FBXW7: variants seen among roughly 807,000 people sequenced by gnomAD.
FBXW7 encodes the protein F-box and WD repeat domain containing 7, also known as F-box/WD repeat-containing protein 7.
In FBXW7, 11 loss-of-function variants were observed where a neutral mutation model predicts 86.3. The ratio of observed to expected loss-of-function variants is 0.13; its 90% CI spans 0.08 to 0.21. FBXW7 has a LOEUF of 0.21. Ranked by LOEUF, FBXW7 falls within the 10% of genes least tolerant of loss-of-function variation. The probability of loss-of-function intolerance (pLI) is 1.00; values close to 1 mark genes in which losing one functional copy is unlikely to be tolerated. For synonymous variants in FBXW7, 313 were observed against 297.9 expected, an observed-to-expected ratio of 1.05 and a Z score of -0.52; for missense variants, 488 against 847.4, an observed-to-expected ratio of 0.58 and a Z score of 5.27.
chr4:152,380,138 T>G (rs1244476072), intron 4 of FBXW7, among the ~76,000 whole-genome samples: 2 of 152,264 alleles, frequency 1.3e-5, no homozygotes, highest in East Asian at 3.9e-4. Flanking sequence ...ATGTTTGCTT[T>G]GTGTGCTTTG....
At chr4:152,470,245 T>C (rs975304156) in intron 2 of FBXW7, among the ~76,000 whole-genome samples, 3 of 152,128 alleles carry the variant, frequency 2.0e-5, no homozygotes, top group African/African-American at 7.2e-5. Flanking sequence ...CTGAATTTAC[T>C]AGACCATGTA....
chr4:152,447,640 C>T (rs1741530055), intron 2 of FBXW7, among the ~76,000 whole-genome samples: 1 of 152,128 alleles, frequency 6.6e-6, no homozygotes, highest in Non-Finnish European at 1.5e-5. Context: ...TATCCTTAAA[C>T]ACTACTTTAA....
intron 4 of FBXW7, among the ~76,000 whole-genome samples, chr4:152,410,745 C>G (rs1159599348): frequency 6.6e-6 from 1 of 152,066 alleles, no homozygotes; most frequent in Non-Finnish European, 1.5e-5. Flanking sequence ...ATGTTAATGT[C>G]TATAAAACAA....
intron 2 of FBXW7, among the ~76,000 whole-genome samples, chr4:152,467,617 T>C (rs78995472): frequency 0.014 from 2,086 of 152,324 alleles, 26 homozygotes; most frequent in Middle Eastern, 0.037. Flanking sequence ...TTAAAACAAT[T>C]AGCTGAGGAA....
In FBXW7 at chr4:152,473,118, C is replaced by T. The variant is rs543381082; in HGVS notation, c.-119-60589G>A. ...ACTTAGCTGGGTGTGGTGATGTACACCTGTAGTCCCAGCTACTCAGGAGGC... is the reference window on the plus strand; with the variant it reads ...ACTTAGCTGGGTGTGGTGATGTACATCTGTAGTCCCAGCTACTCAGGAGGC... On this transcript the variant is annotated intron_variant, in intron 2 of 13. Coordinates refer to ENST00000281708, the MANE Select transcript of FBXW7 (RefSeq NM_001349798.2). Among the ~76,000 whole-genome samples, 206 of 152,234 alleles carry T rather than the reference C, an allele frequency of 1.4e-3. 1 individual carries two copies. Among genetic ancestry groups the T allele is most frequent in the Non-Finnish European group, 2.3e-3 (156 of 68,008 alleles).
chr4:152,510,736 A>G (rs900848104), intron 2 of FBXW7, among the ~76,000 whole-genome samples: 2 of 152,246 alleles, frequency 1.3e-5, no homozygotes, highest in African/African-American at 4.8e-5. Flanking sequence ...TCATGAGTTC[A>G]GTACTCACTG....
Position 152,432,091 on chromosome 4 carries a change from G to C in FBXW7, c.-119-19562C>G, listed in dbSNP as rs537391466. Among the ~76,000 whole-genome samples, 4 of 152,282 alleles carry C rather than the reference G, an allele frequency of 2.6e-5. 1 individual carries two copies. In the East Asian group the frequency reaches 7.7e-4, roughly 29 times the overall value. On this transcript the variant is annotated intron_variant, in intron 2 of 13. Transcript: ENST00000281708. The stretch of plus-strand genomic sequence containing the variant: ...GTGGTCTCAAATGTGCTTCCTTCTA[G>C]TATAGCTACTTATTTGGTCCTATCA...
intron 13 of FBXW7, 172 bp downstream of exon 13, chr4:152,324,012 C>T (rs1459224040): frequency 1.7e-6 from 1 of 589,706 alleles, no homozygotes; most frequent in African/African-American, 1.9e-5. Flanking sequence ...CAGTTTAAAA[C>T]ATTTCCTCAA....
At chr4:152,488,951 A>C (rs1386319446) in intron 2 of FBXW7, among the ~76,000 whole-genome samples, 1 of 152,098 alleles carries the variant, frequency 6.6e-6, no homozygotes, top group Non-Finnish European at 1.5e-5. Context: ...TATCTGTAAA[A>C]ATTACTGTAA....
intron 2 of FBXW7, among the ~76,000 whole-genome samples, chr4:152,481,654 C>T (rs1744886546): frequency 6.6e-6 from 1 of 152,170 alleles, no homozygotes; most frequent in African/African-American, 2.4e-5. Context: ...AAAACACCAG[C>T]ATTAACAGAA....
chr4:152,398,710 A>G (rs1736643764), intron 4 of FBXW7, among the ~76,000 whole-genome samples: 1 of 152,026 alleles, frequency 6.6e-6, no homozygotes, highest in Non-Finnish European at 1.5e-5. Flanking sequence ...ATCCAACTTG[A>G]TTCTTTTTAT....
chr4:152,423,337 A>G (rs1487431077), intron 2 of FBXW7, among the ~76,000 whole-genome samples: 3 of 152,200 alleles, frequency 2.0e-5, no homozygotes, highest in Admixed American at 6.5e-5. Context: ...GTAATGCTGT[A>G]TTACATGGCT....
At position 152,321,980 on chromosome 4, in the gene FBXW7, T is replaced by C; in HGVS notation, c.*901A>G. 4.3e-6 allele frequency: 1 copy of C among 232,952 alleles called. No individual in the cohort carries two copies. The highest frequency in any genetic ancestry group is 8.5e-6 in the Non-Finnish European group (1 of 117,670). The allele number at this position is 232,952 out of a possible 1,614,324, so 14.4% of individuals were successfully genotyped here. A position where few individuals can be genotyped will look rare whatever the true frequency, so the allele number is the denominator to read the frequency against. On this transcript the variant is annotated 3_prime_UTR_variant, in exon 14 of 14. Coordinates refer to ENST00000281708, the MANE Select transcript of FBXW7 (RefSeq NM_001349798.2). ...CTCAAGTTTCAGTGGCAAAAAGTCT[T>C]TTTTCCATAACCAAACTAGAGCAAA...
At chr4:152,355,759 T>A (rs1578974957) in intron 4 of FBXW7, among the ~76,000 whole-genome samples, 1 of 151,858 alleles carries the variant, frequency 6.6e-6, no homozygotes. Context: ...GTGCTAGGTG[T>A]AGAAGTGGAA....
At chr4:152,398,705 A>G (rs1192183640) in intron 4 of FBXW7, among the ~76,000 whole-genome samples, 2 of 152,004 alleles carry the variant, frequency 1.3e-5, no homozygotes, top group East Asian at 3.9e-4. Flanking sequence ...GATCCATCCA[A>G]CTTGATTCTT....
At chr4:152,396,529 A>G (rs574256015) in intron 4 of FBXW7, among the ~76,000 whole-genome samples, 6 of 152,204 alleles carry the variant, frequency 3.9e-5, no homozygotes, top group African/African-American at 1.4e-4. Flanking sequence ...TAAAGACACA[A>G]TAATGGATGT....
At position 152,456,360 on chromosome 4, in the gene FBXW7, TAAA is replaced by T. The variant is rs58250889; in HGVS notation, c.-119-43834_-119-43832del. On this transcript the variant is annotated intron_variant, in intron 2 of 13. Transcript: ENST00000281708. ...GGCCCTATCTCTTTAAAAAAATCCT[TAAA>T]AAAAAAAAAAAAAAAAAAAAAAAAC... is the stretch of plus-strand genomic sequence containing the variant. 2.0e-3 allele frequency among the ~76,000 whole-genome samples: 144 copies of T among 72,142 alleles called. 1 individual carries two copies. In the East Asian group the frequency reaches 0.031, roughly 15 times the overall value. The allele number at this position is 72,142 out of a possible 152,430, so 47.3% of individuals were successfully genotyped here. A position where few individuals can be genotyped will look rare whatever the true frequency, so the allele number is the denominator to read the frequency against.
At chr4:152,477,685 A>G (rs577507508) in intron 2 of FBXW7, among the ~76,000 whole-genome samples, 23 of 152,284 alleles carry the variant, frequency 1.5e-4, no homozygotes, top group African/African-American at 5.5e-4. Context: ...CAGGTCAATA[A>G]CCATCTACTG....
intron 2 of FBXW7, among the ~76,000 whole-genome samples, chr4:152,436,403 T>C (rs1023381353): frequency 6.6e-6 from 1 of 152,196 alleles, no homozygotes; most frequent in African/African-American, 2.4e-5. Context: ...TAGCAGAGGT[T>C]GGTTCACGGG....
Sources: allele counts gnomAD v4.1 joint callset (sites outside exome capture counted in the v4.1 genomes callset), GRCh38; gene constraint gnomAD v4.1.1; transcripts MANE v1.5; gene names NCBI Gene and HGNC (gene_info 2026-07-23, HGNC 2026-07-21).